The following NAALADL2 variants were observed in gnomAD, a reference collection of about 807,000 sequenced individuals.
The protein encoded by NAALADL2 is inactive N-acetylated-alpha-linked acidic dipeptidase-like protein 2.
Under a neutral mutation model 87.2 loss-of-function variants are expected in NAALADL2, and 76 were observed. The ratio of observed to expected loss-of-function variants is 0.87; its 90% CI spans 0.72 to 1.05. The LOEUF is 1.05. Ranked by LOEUF, NAALADL2 falls within the 50% of genes least tolerant of loss-of-function variation. The pLI is 0.00. For missense variants in NAALADL2, 1,089 were observed against 945.8 expected (o/e 1.15, Z -1.99); for synonymous variants, 354 against 331.0 (o/e 1.07, Z -0.75).
chr3:175,145,387 C>T (rs554494748), intron 2 of NAALADL2, among the ~76,000 whole-genome samples: 103 of 152,094 alleles, frequency 6.8e-4, no homozygotes, highest in Admixed American at 2.1e-3. Flanking sequence ...CTCAATAAAC[C>T]TAAACCCACA....
At chr3:174,932,434 C>T (rs1017333290) in intron 1 of NAALADL2, among the ~76,000 whole-genome samples, 7 of 152,128 alleles carry the variant, frequency 4.6e-5, no homozygotes, top group Non-Finnish European at 1.0e-4. Flanking sequence ...GTCTTAATTT[C>T]TCTATGTCTT....
At chr3:174,561,426 T>C (rs1713605327) in intron 2 of NAALADL2, among the ~76,000 whole-genome samples, 1 of 151,972 alleles carries the variant, frequency 6.6e-6, no homozygotes, top group Admixed American at 6.6e-5. Flanking sequence ...GGTCTCGATC[T>C]CCTGACCTTG....
At chr3:175,483,337 T>TC (rs1337197012) in intron 9 of NAALADL2, among the ~76,000 whole-genome samples, 1 of 151,620 alleles carries the variant, frequency 6.6e-6, no homozygotes, top group Non-Finnish European at 1.5e-5. Flanking sequence ...TTTTTTTTTT[T>TC]TTTTAACTTT....
intron 2 of NAALADL2, among the ~76,000 whole-genome samples, chr3:174,616,223 T>G (rs187215249): frequency 6.6e-6 from 1 of 151,790 alleles, no homozygotes; most frequent in Non-Finnish European, 1.5e-5. Context: ...ATAGGAAATA[T>G]AAAATGATAA....
chr3:174,941,800 T>G (rs1160927511), intron 1 of NAALADL2, among the ~76,000 whole-genome samples: 1 of 152,128 alleles, frequency 6.6e-6, no homozygotes, highest in Non-Finnish European at 1.5e-5. Context: ...AAGTCTATTT[T>G]GTCTGAAATT....
intron 1 of NAALADL2, among the ~76,000 whole-genome samples, chr3:174,975,099 C>G (rs1744199085): frequency 6.6e-6 from 1 of 152,064 alleles, no homozygotes; most frequent in African/African-American, 2.4e-5. Flanking sequence ...TCTGTCTTTA[C>G]TTAATATAGG....
chr3:174,540,623 A>T (rs1578124940), intron 1 of NAALADL2: 2 of 152,226 alleles, frequency 1.3e-5, no homozygotes, highest in East Asian at 3.8e-4. Context: ...TGGCTTGTTG[A>T]CAAGAAGAAC....
At chr3:174,968,385 C>G (rs1469708514) in intron 1 of NAALADL2, among the ~76,000 whole-genome samples, 2 of 152,078 alleles carry the variant, frequency 1.3e-5, no homozygotes, top group African/African-American at 4.8e-5. Flanking sequence ...GATGAGGAAG[C>G]CAAGGCTCAA....
At position 174,714,614 on chromosome 3, in the gene NAALADL2, A is replaced by G. The variant is rs535526618; in HGVS notation, c.-114-23027A>G. Among the ~76,000 whole-genome samples, 33 of 152,238 alleles carry G rather than the reference A, an allele frequency of 2.2e-4. No homozygotes were observed. In the East Asian group the frequency reaches 5.8e-3, roughly 27 times the overall value. On this transcript the variant is annotated intron_variant, in intron 2 of 3. Coordinates refer to the NAALADL2 transcript ENST00000434257. Reference sequence around the variant, plus strand: ...TTGGCTGTTTGTCTGTTATTATTGTATAGGAATGCTTGTGATTTTTGCACA... The same window carrying G: ...TTGGCTGTTTGTCTGTTATTATTGTGTAGGAATGCTTGTGATTTTTGCACA...
At chr3:175,216,629 A>G (rs1034400202) in intron 2 of NAALADL2, among the ~76,000 whole-genome samples, 4 of 149,934 alleles carry the variant, frequency 2.7e-5, no homozygotes, top group Non-Finnish European at 5.9e-5. Context: ...CCATTCCAGC[A>G]GATGTTGACA....
intron 11 of NAALADL2, among the ~76,000 whole-genome samples, chr3:175,658,945 G>T (rs1245282377): frequency 6.6e-6 from 1 of 151,920 alleles, no homozygotes; most frequent in Non-Finnish European, 1.5e-5. Context: ...CACACACACA[G>T]TTGTATTTGC....
At chr3:175,461,565 G>C (rs1339079047) in intron 6 of NAALADL2, among the ~76,000 whole-genome samples, 1 of 152,178 alleles carries the variant, frequency 6.6e-6, no homozygotes, top group African/African-American at 2.4e-5. Flanking sequence ...GTAAAAATTA[G>C]TGCATGTGTG....
At chr3:175,310,806 T>G (rs1292503054) in intron 4 of NAALADL2, among the ~76,000 whole-genome samples, 1 of 151,976 alleles carries the variant, frequency 6.6e-6, no homozygotes, top group East Asian at 1.9e-4. Flanking sequence ...TAAAAATAAA[T>G]AGTAAGTTGG....
At chr3:174,457,766 G>A (rs1011865354) in intron 1 of NAALADL2, among the ~76,000 whole-genome samples, 13 of 151,954 alleles carry the variant, frequency 8.6e-5, no homozygotes, top group African/African-American at 2.9e-4. Context: ...AGCTAAGATC[G>A]TGCCATTGCA....
At chr3:174,508,114 G>GTTTTTTTTTTTTTTTTTTTTTT (rs1311325384) in intron 1 of NAALADL2, among the ~76,000 whole-genome samples, 1 of 103,882 alleles carries the variant, frequency 9.6e-6, no homozygotes, top group Non-Finnish European at 1.9e-5. Flanking sequence ...ATATCTAGTG[G>GTTTTTTTTTTTTTTTTTTTTTT]TTTTTTTTTT....
intron 2 of NAALADL2, among the ~76,000 whole-genome samples, chr3:175,154,154 G>T (rs1028079588): frequency 2.0e-5 from 3 of 152,036 alleles, no homozygotes; most frequent in Non-Finnish European, 4.4e-5. Flanking sequence ...ATTTCAACAT[G>T]CATATACCTA....
chr3:174,949,564 C>A (rs1267862103), intron 1 of NAALADL2, among the ~76,000 whole-genome samples: 3 of 152,190 alleles, frequency 2.0e-5, no homozygotes, highest in African/African-American at 7.2e-5. Flanking sequence ...TTTCACACTA[C>A]ATTGACTTTA....
chr3:175,193,150 G>T (rs1278221313), intron 2 of NAALADL2, among the ~76,000 whole-genome samples: 1 of 151,694 alleles, frequency 6.6e-6, no homozygotes, highest in African/African-American at 2.4e-5. Context: ...AAATGTGGTA[G>T]AACAGCAACA....
chr3:175,020,959 T>C (rs574715174), intron 1 of NAALADL2, among the ~76,000 whole-genome samples: 1 of 152,204 alleles, frequency 6.6e-6, no homozygotes, highest in East Asian at 1.9e-4. Flanking sequence ...TAATGCATTT[T>C]GTCTTCTGAG....
Sources: gnomAD v4.1 joint callset for allele counts (sites outside exome capture counted in the v4.1 genomes callset) on GRCh38, gnomAD v4.1.1 for gene constraint, MANE v1.5 for transcripts, NCBI Gene and HGNC (gene_info 2026-07-23, HGNC 2026-07-21) for gene names.